ZDHHC13: variants seen among roughly 807,000 people sequenced by gnomAD.
The protein encoded by ZDHHC13 is palmitoyltransferase ZDHHC13.
ZDHHC13 carries 85 observed loss-of-function variants against 86.0 expected under a neutral mutation model. The ratio of observed to expected loss-of-function variants is 0.99; its 90% CI spans 0.83 to 1.18. The LOEUF is 1.18. Among genes scored for constraint, ZDHHC13 ranks in the 50% most tolerant of loss-of-function variants. The pLI is 0.00. For synonymous variants in ZDHHC13, 263 were observed against 246.4 expected (o/e 1.07, Z -0.63); for missense variants, 711 against 730.2 (o/e 0.97, Z 0.30).
rs1251784842 is a variant in ZDHHC13, at chr11:19,142,018, GAGCTAGC to G, written c.28-958_28-952del. 1.3e-5 allele frequency among the ~76,000 whole-genome samples: 2 copies of G among 152,072 alleles called. 1 individual carries two copies. Among genetic ancestry groups the G allele is most frequent in the Non-Finnish European group, 2.9e-5 (2 of 68,034 alleles). ...TATTAGCACTATGCTTTAACCAACTGAGCTAGCACGCCACCCGTAACACCTATTTATT... is the reference window on the plus strand; with the variant it reads ...TATTAGCACTATGCTTTAACCAACTGACGCCACCCGTAACACCTATTTATT... On this transcript the variant is annotated intron_variant, in intron 1 of 16. Coordinates refer to ENST00000446113, the MANE Select transcript of ZDHHC13 (RefSeq NM_019028.3).
chr11:19,143,627 G>A (rs530632040), intron 2 of ZDHHC13, among the ~76,000 whole-genome samples: 2 of 152,292 alleles, frequency 1.3e-5, no homozygotes, highest in South Asian at 2.1e-4. Flanking sequence ...GAAGAAATAC[G>A]GTAAGGTAAG....
At chr11:19,171,948 C>A (rs1227851037) in intron 15 of ZDHHC13, among the ~76,000 whole-genome samples, 1 of 152,104 alleles carries the variant, frequency 6.6e-6, no homozygotes, top group African/African-American at 2.4e-5. Context: ...TGGTTAGGAG[C>A]ATGGCTTTAT....
chr11:19,166,509 G>C (rs1480124581), intron 14 of ZDHHC13, 124 bp downstream of exon 14: 1 of 689,564 alleles, frequency 1.5e-6, no homozygotes. Flanking sequence ...TAAAAACAAA[G>C]CAAATGCCTC....
At position 19,119,927 on chromosome 11, in the gene ZDHHC13, G is replaced by T. The variant is rs138939651; in HGVS notation, c.27+2651G>T. ...AGTGTCACATATTTCTCTCTCACTC[G>T]CTCCTTCTCTCTCACTCTCTTTTTA... On this transcript the variant is annotated intron_variant, in intron 1 of 16. Transcript: ENST00000446113. Among the ~76,000 whole-genome samples the T allele has an allele frequency of 9.5e-3, 1,427 of 150,750 alleles. 11 individuals are homozygous for T. The highest frequency in any genetic ancestry group is 0.032 in the South Asian group (149 of 4,688).
chr11:19,132,890 G>A (rs186025310), intron 1 of ZDHHC13, among the ~76,000 whole-genome samples: 87 of 152,226 alleles, frequency 5.7e-4, no homozygotes, highest in African/African-American at 1.9e-3. Flanking sequence ...AAAGCAAGAG[G>A]TTAAGTGCAA....
chr11:19,165,247 AT>A, intron 13 of ZDHHC13, 102 bp downstream of exon 13: 1 of 1,050,276 alleles, frequency 9.5e-7, no homozygotes, highest in Non-Finnish European at 1.4e-6. Flanking sequence ...CATTTTCAAT[AT>A]TCTAGTATTC....
At chr11:19,155,695 A>G in intron 8 of ZDHHC13, 101 bp from the exon 9 acceptor site, 1 of 1,267,616 alleles carries the variant, frequency 7.9e-7, no homozygotes, top group Non-Finnish European at 1.1e-6. Flanking sequence ...TGTTGTATTA[A>G]TTGTTATTAT....
chr11:19,147,502 A>G (rs1179700246), intron 3 of ZDHHC13, 94 bp from the exon 4 acceptor site: 7 of 1,090,816 alleles, frequency 6.4e-6, no homozygotes, highest in Non-Finnish European at 9.3e-6. Flanking sequence ...TTTGTTCTCC[A>G]ACATATTTAT....
rs1398894506 is a variant in ZDHHC13, at chr11:19,176,004, T to C, written c.*44T>C. 4 of 1,570,032 alleles carry C rather than the reference T, an allele frequency of 2.5e-6. No individual in the cohort carries two copies. In the East Asian group the frequency reaches 9.2e-5, roughly 36 times the overall value. Reference sequence around the variant, plus strand: ...TCTCAATCTGATTTGTTTTTGTTTATGTCGATGCCCTGTAGTTTGAAAGTG... The same window carrying C: ...TCTCAATCTGATTTGTTTTTGTTTACGTCGATGCCCTGTAGTTTGAAAGTG... On this transcript the variant is annotated 3_prime_UTR_variant, in exon 17 of 17. Transcript: ENST00000446113.
At chr11:19,145,348 A>G (rs1406451865) in intron 2 of ZDHHC13, among the ~76,000 whole-genome samples, 1 of 152,020 alleles carries the variant, frequency 6.6e-6, no homozygotes, top group Admixed American at 6.6e-5. Context: ...CTAAATTCGT[A>G]TTTCACTCTC....
In ZDHHC13 at chr11:19,117,208, C is replaced by T. The variant is rs914381907; in HGVS notation, c.-42C>T. On this transcript the variant is annotated 5_prime_UTR_variant, in exon 1 of 17. Transcript: ENST00000446113. This position sits in a 1 kb window ranked among gnomAD's most constrained non-coding sequence, Gnocchi z 4.2. ...CGGGCTGGCGGGCTGGCGGCAGTCG[C>T]TACTTGCCTAGTAGCCTCAGCCGCT... 7 of 1,531,276 alleles carry T rather than the reference C, an allele frequency of 4.6e-6. No homozygotes were observed. Among genetic ancestry groups the T allele is most frequent in the African/African-American group, 4.2e-5 (3 of 72,244 alleles). The allele number at this position is 1,531,276 out of a possible 1,614,324, so 94.9% of individuals were successfully genotyped here.
chr11:19,120,173 C>T (rs1255274340), intron 1 of ZDHHC13, among the ~76,000 whole-genome samples: 1 of 152,202 alleles, frequency 6.6e-6, no homozygotes, highest in Non-Finnish European at 1.5e-5. Flanking sequence ...CACCTCAAAA[C>T]ATAGTGGTAT....
intron 1 of ZDHHC13, among the ~76,000 whole-genome samples, chr11:19,133,946 C>T (rs1394160065): frequency 2.6e-4 from 12 of 46,612 alleles, no homozygotes; most frequent in Admixed American, 1.1e-3. Context: ...TATATATACA[C>T]GTATGTGTTT....
At chr11:19,122,975 T>G (rs1385502613) in intron 1 of ZDHHC13, among the ~76,000 whole-genome samples, 1 of 152,186 alleles carries the variant, frequency 6.6e-6, no homozygotes, top group East Asian at 1.9e-4. Context: ...GGAAGATATC[T>G]TCTGTTTTCT....
At position 19,166,325 on chromosome 11, in the gene ZDHHC13, A is replaced by C. The variant is rs151224775; in HGVS notation, c.1414A>C (p.Ile472Leu). Reference sequence around the variant, plus strand: ...AGGTTTTGGCAACCATCACTATTACATATTCTTCTTGTTTTTCCTTTCCAT... The same window carrying C: ...AGGTTTTGGCAACCATCACTATTACCTATTCTTCTTGTTTTTCCTTTCCAT... Reference protein sequence around the residue: ...CIGFGNHHYYIFFLFFLSMVC... With the variant: ...CIGFGNHHYYLFFLFFLSMVC... The change falls in exon 14 of 17, where the codon ATA becomes CTA. Residue 472 changes from isoleucine to leucine, a missense_variant. Ile to Leu is a conservative substitution (Grantham distance 5, BLOSUM62 2). Coordinates refer to ENST00000446113, the MANE Select transcript of ZDHHC13 (RefSeq NM_019028.3). 4.5e-4 allele frequency: 722 copies of C among 1,611,974 alleles called. 1 individual carries two copies. The African/African-American group carries it at 8.7e-3, about 19-fold the overall frequency.
chr11:19,156,936 T>C (rs1304438330), intron 9 of ZDHHC13, among the ~76,000 whole-genome samples: 1 of 152,256 alleles, frequency 6.6e-6, no homozygotes, highest in African/African-American at 2.4e-5. Context: ...ACTCCTTGCC[T>C]ATGGGGTATG....
At chr11:19,166,280 G>GT (rs147406311) in intron 13 of ZDHHC13, 22 bp from the exon 14 acceptor site, 73 of 1,578,904 alleles carry the variant, frequency 4.6e-5, no homozygotes, top group Non-Finnish European at 5.6e-5. Flanking sequence ...TATTAAGTAT[G>GT]TTTTTTTTCT....
rs142403447 is a variant in ZDHHC13 at position 19,122,451 on chromosome 11, T to C, written c.27+5175T>C. 7.9e-4 allele frequency among the ~76,000 whole-genome samples: 121 copies of C among 152,294 alleles called. 1 individual carries two copies. In the East Asian group the frequency reaches 0.021, roughly 27 times the overall value. ...ATTACCTCAATTCATGGCTTCTTTGTAGAAATCAGCTTAAGCTACTTGCTC... is the reference window on the plus strand; with the variant it reads ...ATTACCTCAATTCATGGCTTCTTTGCAGAAATCAGCTTAAGCTACTTGCTC... On this transcript the variant is annotated intron_variant, in intron 1 of 16. Coordinates refer to ENST00000446113, the MANE Select transcript of ZDHHC13 (RefSeq NM_019028.3).
intron 1 of ZDHHC13, among the ~76,000 whole-genome samples, chr11:19,127,783 C>A (rs1183802168): frequency 6.6e-6 from 1 of 152,064 alleles, no homozygotes; most frequent in African/African-American, 2.4e-5. Context: ...TGTTTCTGGG[C>A]TTCCTATTCT....
Sources: allele counts gnomAD v4.1 joint callset (sites outside exome capture counted in the v4.1 genomes callset), GRCh38; gene constraint gnomAD v4.1.1; non-coding constraint Gnocchi (gnomAD v3.1); transcripts MANE v1.5; gene names NCBI Gene and HGNC (gene_info 2026-07-23, HGNC 2026-07-21).